The following SYNDIG1 variants were observed in gnomAD, a reference collection of about 807,000 sequenced individuals.
The protein encoded by SYNDIG1 is synapse differentiation-inducing gene protein 1.
Under a neutral mutation model 19.4 loss-of-function variants are expected in SYNDIG1, and 9 were observed. The observed-to-expected ratio is 0.46, with a 90% CI of 0.28 to 0.81. The LOEUF (loss-of-function observed/expected upper bound fraction) is 0.81, where lower values mean the gene tolerates loss of function less well. SYNDIG1 is among the 30% of genes least tolerant of loss of function. The pLI, the probability that SYNDIG1 is intolerant of heterozygous loss-of-function variation, is 0.12. For missense variants in SYNDIG1, 311 were observed against 343.3 expected (o/e 0.91, Z 0.74); for synonymous variants, 141 against 145.9 (o/e 0.97, Z 0.24).
chr20:24,625,976 G>A (rs1193656991), intron 3 of SYNDIG1, among the ~76,000 whole-genome samples: 2 of 151,708 alleles, frequency 1.3e-5, no homozygotes, highest in South Asian at 2.1e-4. Flanking sequence ...GGATGGGGCG[G>A]CTGGCCAGGC....
At chr20:24,515,289 A>G (rs2146494959) in intron 1 of SYNDIG1, among the ~76,000 whole-genome samples, 2 of 152,362 alleles carry the variant, frequency 1.3e-5, no homozygotes, top group East Asian at 3.9e-4. Flanking sequence ...GAAGAACTGA[A>G]GGAGATAGAG....
At chr20:24,506,351 G>A (rs1056317781) in intron 1 of SYNDIG1, among the ~76,000 whole-genome samples, 2 of 152,226 alleles carry the variant, frequency 1.3e-5, no homozygotes, top group Admixed American at 1.3e-4. Flanking sequence ...AAGGGAAAGT[G>A]TGACTGTGAT....
At position 24,658,324 on chromosome 20, in the gene SYNDIG1, G is replaced by A. The variant is rs747383203; in HGVS notation, c.619-7022G>A. 1.3e-5 allele frequency among the ~76,000 whole-genome samples: 2 copies of A among 152,096 alleles called. No homozygotes were observed. The highest frequency in any genetic ancestry group is 4.8e-5 in the African/African-American group (2 of 41,424). ...GTCTCGGGGAAAGGCAGGTAGTGAC[G>A]CGGCAGGGGACTGGAGCTCGGTGGA... On this transcript the variant is annotated intron_variant, in intron 3 of 3. Coordinates refer to ENST00000376862, the MANE Select transcript of SYNDIG1 (RefSeq NM_024893.3). This position sits in a 1 kb window ranked among gnomAD's most constrained non-coding sequence, Gnocchi z 4.4.
intron 3 of SYNDIG1, 39 bp downstream of exon 3, chr20:24,585,032 GTTCAC>G: frequency 6.6e-7 from 1 of 1,511,280 alleles, no homozygotes; most frequent in South Asian, 1.2e-5. Flanking sequence ...GTGTGCAGGT[GTTCAC>G]AGGGTGGGGG....
intron 3 of SYNDIG1, among the ~76,000 whole-genome samples, chr20:24,593,239 C>A (rs1174536610): frequency 6.6e-6 from 1 of 152,146 alleles, no homozygotes; most frequent in Non-Finnish European, 1.5e-5. Flanking sequence ...TGTTCCTTTT[C>A]TTTGTGTTCA....
intron 1 of SYNDIG1, 62 bp from the exon 2 acceptor site, chr20:24,542,958 G>A: frequency 7.7e-7 from 1 of 1,294,446 alleles, no homozygotes; most frequent in Non-Finnish European, 1.1e-6. Context: ...ATGTGGGTCT[G>A]GGTGATTAGC....
Position 24,584,987 on chromosome 20 carries a change from C to T in SYNDIG1, c.612C>T (p.Ser204=), listed in dbSNP as rs141938685. The T allele has an allele frequency of 6.0e-5, 96 of 1,612,488 alleles. No individual in the cohort carries two copies. In the African/African-American group the frequency reaches 9.9e-4, roughly 17 times the overall value. Residue 204 remains serine, a synonymous_variant, in exon 3 of 4, where the codon TCC becomes TCT. Coordinates refer to ENST00000376862, the MANE Select transcript of SYNDIG1 (RefSeq NM_024893.3). ...TGGGCATCGCAGCCTTCTACTTGTCCCATGAGGTAAGGCCTCCTTGGTCTG... is the reference window on the plus strand; with the variant it reads ...TGGGCATCGCAGCCTTCTACTTGTCTCATGAGGTAAGGCCTCCTTGGTCTG... ...WPLGIAAFYL[S]HETNKAVAKG...
At chr20:24,568,842 G>A (rs1298134637) in intron 2 of SYNDIG1, among the ~76,000 whole-genome samples, 1 of 152,192 alleles carries the variant, frequency 6.6e-6, no homozygotes, top group Non-Finnish European at 1.5e-5. Flanking sequence ...CTGCATAAAT[G>A]TGTTCACCTG....
intron 3 of SYNDIG1, among the ~76,000 whole-genome samples, chr20:24,651,002 G>C (rs569933667): frequency 1.3e-5 from 2 of 152,202 alleles, no homozygotes; most frequent in Non-Finnish European, 2.9e-5. Flanking sequence ...TGTCTGGCTA[G>C]TTTTTTTGTA....
At chr20:24,492,490 G>T (rs1271256629) in intron 1 of SYNDIG1, among the ~76,000 whole-genome samples, 1 of 152,202 alleles carries the variant, frequency 6.6e-6, no homozygotes, top group African/African-American at 2.4e-5. Flanking sequence ...TGGCTCCCCT[G>T]CAGGATAAAG....
chr20:24,565,861 A>G (rs746184384), intron 2 of SYNDIG1, among the ~76,000 whole-genome samples: 9 of 151,928 alleles, frequency 5.9e-5, no homozygotes, highest in Non-Finnish European at 8.8e-5. Flanking sequence ...TCTGCCTGGA[A>G]TGTTCTTTCT....
chr20:24,503,956 GTT>G (rs777270289), intron 1 of SYNDIG1, among the ~76,000 whole-genome samples: 3 of 125,276 alleles, frequency 2.4e-5, no homozygotes, highest in African/African-American at 3.3e-5. Flanking sequence ...GGGAGAGCAG[GTT>G]TTTTTTTTTT....
At chr20:24,585,064 A>T (rs2058394096) in intron 3 of SYNDIG1, 71 bp downstream of exon 3, 1 of 1,542,268 alleles carries the variant, frequency 6.5e-7, no homozygotes, top group Admixed American at 1.9e-5. Context: ...CGGCAATCCC[A>T]GCCGAGGAGG....
intron 1 of SYNDIG1, among the ~76,000 whole-genome samples, chr20:24,493,189 A>G (rs1026460879): frequency 2.0e-5 from 3 of 152,264 alleles, no homozygotes; most frequent in Admixed American, 1.3e-4. Flanking sequence ...TTTCACTCCA[A>G]TTAGCACATA....
chr20:24,484,710 T>C (rs2055907981), intron 1 of SYNDIG1, among the ~76,000 whole-genome samples: 1 of 152,212 alleles, frequency 6.6e-6, no homozygotes. Flanking sequence ...CTACACACAA[T>C]AGGTCTTTAG....
At chr20:24,628,068 T>C (rs1210092489) in intron 3 of SYNDIG1, among the ~76,000 whole-genome samples, 1 of 152,228 alleles carries the variant, frequency 6.6e-6, no homozygotes, top group Non-Finnish European at 1.5e-5. Flanking sequence ...GGTCCCCCTC[T>C]AGGACAGAGG....
intron 3 of SYNDIG1, among the ~76,000 whole-genome samples, chr20:24,615,776 TCCTCCTGCAGCTCAG>T (rs2058921612): frequency 6.6e-6 from 1 of 152,056 alleles, no homozygotes; most frequent in South Asian, 2.1e-4. Context: ...GTTCTTAATG[TCCTCCTGCAGCTCAG>T]AGAACATGGG....
At chr20:24,575,337 C>A (rs1471190136) in intron 2 of SYNDIG1, among the ~76,000 whole-genome samples, 1 of 152,220 alleles carries the variant, frequency 6.6e-6, no homozygotes, top group African/African-American at 2.4e-5. Context: ...TAAGGCAGGT[C>A]TGGTCAGCTT....
At chr20:24,579,708 AG>A (rs1355362762) in intron 2 of SYNDIG1, among the ~76,000 whole-genome samples, 6 of 152,290 alleles carry the variant, frequency 3.9e-5, no homozygotes, top group African/African-American at 1.2e-4. Context: ...AGTGGCTGCC[AG>A]GCTCCTCAGT....
Sources: allele counts gnomAD v4.1 joint callset (sites outside exome capture counted in the v4.1 genomes callset), GRCh38; gene constraint gnomAD v4.1.1; non-coding constraint Gnocchi (gnomAD v3.1); transcripts MANE v1.5; gene names NCBI Gene and HGNC (gene_info 2026-07-23, HGNC 2026-07-21).